Variants in GPHN observed in about 807,000 individuals in gnomAD.
GPHN encodes gephyrin.
Under a neutral mutation model 95.5 loss-of-function variants are expected in GPHN, and 17 were observed. That is an observed-to-expected ratio of 0.18 (90% confidence interval 0.12 to 0.27). The LOEUF (loss-of-function observed/expected upper bound fraction) is 0.27, where lower values mean the gene tolerates loss of function less well. Ranked by LOEUF, GPHN falls within the 10% of genes least tolerant of loss-of-function variation. The pLI, the probability that GPHN is intolerant of heterozygous loss-of-function variation, is 1.00. For missense variants in GPHN, 660 were observed against 978.1 expected, an observed-to-expected ratio of 0.67 and a Z score of 4.34; for synonymous variants, 320 against 322.5, an observed-to-expected ratio of 0.99 and a Z score of 0.08.
intron 1 of GPHN, among the ~76,000 whole-genome samples, chr14:66,512,892 A>G (rs1181280558): frequency 6.6e-6 from 1 of 151,812 alleles, no homozygotes; most frequent in Non-Finnish European, 1.5e-5. Context: ...GGATATATAC[A>G]TATTATATCT....
At chr14:67,590,052 A>T in the GPHN span, 2 of 1,542,342 alleles carry the variant, frequency 1.3e-6, no homozygotes, top group Admixed American at 4.1e-5. Flanking sequence ...CCCATGGAAG[A>T]CAATGCTGGC....
the GPHN span, among the ~76,000 whole-genome samples, chr14:67,215,513 A>AAAAAC: frequency 6.6e-6 from 1 of 151,146 alleles, no homozygotes. Flanking sequence ...AAAGATTAAA[A>AAAAAC]AACAACAACA....
At chr14:66,779,395 G>T (rs2059522993) in intron 3 of GPHN, among the ~76,000 whole-genome samples, 1 of 151,994 alleles carries the variant, frequency 6.6e-6, no homozygotes, top group South Asian at 2.1e-4. Flanking sequence ...AAAGCATGAG[G>T]ATATTACTTC....
the GPHN span, among the ~76,000 whole-genome samples, chr14:67,376,011 G>A: frequency 6.6e-6 from 1 of 152,238 alleles, no homozygotes; most frequent in South Asian, 2.1e-4. Context: ...AATTTTAGGA[G>A]GTAAGAAAAA....
At chr14:67,428,622 A>G in the GPHN span, among the ~76,000 whole-genome samples, 1 of 152,242 alleles carries the variant, frequency 6.6e-6, no homozygotes, top group Admixed American at 6.5e-5. Flanking sequence ...TCTCACCAGC[A>G]CACACACTGC....
intron 3 of GPHN, among the ~76,000 whole-genome samples, chr14:66,794,522 C>A (rs561824166): frequency 6.6e-6 from 1 of 152,120 alleles, no homozygotes; most frequent in East Asian, 1.9e-4. Context: ...AAACAACAAA[C>A]CAAAGAAAAA....
chr14:67,117,704 A>G (rs2078772476), intron 16 of GPHN, among the ~76,000 whole-genome samples: 1 of 152,204 alleles, frequency 6.6e-6, no homozygotes, highest in South Asian at 2.1e-4. Flanking sequence ...ATCTTTACTA[A>G]GAAAAACAAA....
At chr14:67,387,876 A>G in the GPHN span, among the ~76,000 whole-genome samples, 2 of 152,216 alleles carry the variant, frequency 1.3e-5, no homozygotes, top group African/African-American at 4.8e-5. Flanking sequence ...TCTTCTTACT[A>G]TGGCTGGCTA....
chr14:66,855,634 G>T (rs1567024434), intron 4 of GPHN, among the ~76,000 whole-genome samples: 2 of 152,028 alleles, frequency 1.3e-5, no homozygotes, highest in South Asian at 4.1e-4. Flanking sequence ...ATTTCCATTG[G>T]TTATGCACTT....
At chr14:67,302,602 T>C in the GPHN span, 61 of 1,417,676 alleles carry the variant, frequency 4.3e-5, no homozygotes, top group Non-Finnish European at 5.6e-5. Flanking sequence ...GAATAATTGA[T>C]AGCTTTTAGA....
At position 67,130,965 on chromosome 14, in the gene GPHN, A is replaced by G. The variant is rs538910853; in HGVS notation, c.1748+8588A>G. Among the ~76,000 whole-genome samples, 12 of 152,168 alleles carry G rather than the reference A, an allele frequency of 7.9e-5. No individual in the cohort carries two copies. In the East Asian group the frequency reaches 2.3e-3, roughly 29 times the overall value. Reference sequence around the variant, plus strand: ...TTTTTGCCCATTTTCTAAGGGATCTACCTTAAATATGGAACAGCAGATGTC... The same window carrying G: ...TTTTTGCCCATTTTCTAAGGGATCTGCCTTAAATATGGAACAGCAGATGTC... On this transcript the variant is annotated intron_variant, in intron 17 of 22. Coordinates refer to ENST00000478722, the MANE Select transcript of GPHN (RefSeq NM_020806.5).
the GPHN span, among the ~76,000 whole-genome samples, chr14:67,192,494 C>T: frequency 2.0e-5 from 3 of 151,836 alleles, no homozygotes; most frequent in African/African-American, 7.3e-5. Flanking sequence ...AACTGATTCT[C>T]AGGCTTGATT....
the GPHN span, among the ~76,000 whole-genome samples, chr14:67,274,435 T>G: frequency 6.6e-6 from 1 of 152,190 alleles, no homozygotes. Flanking sequence ...TGATTGTAGA[T>G]GTGTGGTACT....
intron 11 of GPHN, among the ~76,000 whole-genome samples, chr14:67,070,460 G>A (rs1418406841): frequency 6.7e-6 from 1 of 149,724 alleles, no homozygotes; most frequent in Non-Finnish European, 1.5e-5. Flanking sequence ...CACTTCAGGA[G>A]GCCGAGGTGG....
chr14:67,471,447 G>C, the GPHN span: 1 of 152,194 alleles, frequency 6.6e-6, no homozygotes, highest in African/African-American at 2.4e-5. Flanking sequence ...AGAGAACGGG[G>C]AAGCCAGACA....
At chr14:67,659,639 C>G in the GPHN span, 3 of 1,313,586 alleles carry the variant, frequency 2.3e-6, no homozygotes, top group African/African-American at 4.4e-5. Flanking sequence ...CTAGTATACA[C>G]TGATAACATG....
At chr14:67,296,613 A>AAAAAAAG in the GPHN span, among the ~76,000 whole-genome samples, 2 of 149,844 alleles carry the variant, frequency 1.3e-5, no homozygotes, top group East Asian at 1.9e-4. Flanking sequence ...AAAAAAAAAA[A>AAAAAAAG]GATGGTGTCT....
chr14:66,574,389 T>G (rs117402154), intron 1 of GPHN, among the ~76,000 whole-genome samples: 1 of 152,270 alleles, frequency 6.6e-6, no homozygotes, highest in South Asian at 2.1e-4. Flanking sequence ...GTTATTTTAC[T>G]GCTTTTCTTA....
intron 6 of GPHN, 97 bp downstream of exon 6, chr14:66,916,166 C>T (rs935304906): frequency 1.2e-5 from 9 of 761,902 alleles, no homozygotes; most frequent in Non-Finnish European, 1.9e-5. Context: ...ACAAGACTGC[C>T]CTCACATCTG....
Sources: gnomAD v4.1 joint callset for allele counts (sites outside exome capture counted in the v4.1 genomes callset) on GRCh38, gnomAD v4.1.1 for gene constraint, MANE v1.5 for transcripts, NCBI Gene and HGNC (gene_info 2026-07-23, HGNC 2026-07-21) for gene names.